Variants in TRMT9B observed in about 807,000 individuals in gnomAD.
TRMT9B encodes the protein tRNA methyltransferase 9B (putative).
Under a neutral mutation model 11.5 loss-of-function variants are expected in TRMT9B, and 16 were observed. The ratio of observed to expected loss-of-function variants is 1.39; its 90% CI spans 0.94 to 2.11. The LOEUF is 2.11. TRMT9B is among the 30% of genes most tolerant of loss of function. The probability of loss-of-function intolerance (pLI) is 0.00; values close to 1 mark genes in which losing one functional copy is unlikely to be tolerated. For synonymous variants in TRMT9B, 274 were observed against 192.4 expected (o/e 1.42, Z -3.51); for missense variants, 941 against 553.8 (o/e 1.70, Z -7.02).
chr8:13,011,278 G>A lies in TRMT9B; in HGVS notation c.155-1406G>A, dbSNP rs759156410. The A allele has an allele frequency of 7.1e-6, 7 of 984,806 alleles. No homozygotes were observed. In the African/African-American group the frequency reaches 8.7e-5, roughly 12 times the overall value. The allele number at this position is 984,806 out of a possible 1,614,324, so 61.0% of individuals were successfully genotyped here. A position where few individuals can be genotyped will look rare whatever the true frequency, so the allele number is the denominator to read the frequency against. ...TAGGATTATAGGCATGAGCCACCGC[G>A]CCAGACCCCAAATTTTATTTTTTAT... is the stretch of plus-strand genomic sequence containing the variant. On this transcript the variant is annotated intron_variant, in intron 3 of 4. Transcript: ENST00000524591.
At chr8:12,959,409 T>C (rs959911783) in intron 1 of TRMT9B, among the ~76,000 whole-genome samples, 2 of 151,936 alleles carry the variant, frequency 1.3e-5, no homozygotes, top group Non-Finnish European at 2.9e-5. Flanking sequence ...ATCATAAATG[T>C]ATGTTGTCTT....
intron 1 of TRMT9B, among the ~76,000 whole-genome samples, chr8:12,973,883 T>C (rs1337793203): frequency 2.6e-5 from 4 of 152,114 alleles, no homozygotes; most frequent in African/African-American, 4.8e-5. Flanking sequence ...ATTTTGGCCA[T>C]ATGCGGTGGC....
chr8:12,957,117 C>G (rs1167368300), intron 1 of TRMT9B, among the ~76,000 whole-genome samples: 1 of 152,166 alleles, frequency 6.6e-6, no homozygotes, highest in Non-Finnish European at 1.5e-5. Flanking sequence ...GTGGTGTATT[C>G]TCTCATGGTG....
chr8:13,020,731 T>C (rs973513755), intron 4 of TRMT9B, among the ~76,000 whole-genome samples: 1 of 152,214 alleles, frequency 6.6e-6, no homozygotes, highest in Non-Finnish European at 1.5e-5. Flanking sequence ...GACTCTAGAC[T>C]TCTTCTTATA....
intron 1 of TRMT9B, among the ~76,000 whole-genome samples, chr8:12,985,438 T>C (rs1386347141): frequency 6.6e-6 from 1 of 152,074 alleles, no homozygotes; most frequent in East Asian, 1.9e-4. Flanking sequence ...TCAAAGGGAG[T>C]TGGAACCAGA....
chr8:12,984,328 C>A (rs767790836), intron 1 of TRMT9B, among the ~76,000 whole-genome samples: 8 of 152,182 alleles, frequency 5.3e-5, no homozygotes, highest in Non-Finnish European at 8.8e-5. Context: ...ACTGTAATAA[C>A]CCCATGAGTG....
At chr8:12,988,058 C>A (rs1806642472) in intron 1 of TRMT9B, among the ~76,000 whole-genome samples, 1 of 152,232 alleles carries the variant, frequency 6.6e-6, no homozygotes, top group Admixed American at 6.5e-5. Context: ...GCGTGTGTTG[C>A]TGTTATTGCT....
rs1814742815 is a variant in TRMT9B, at chr8:13,026,815, A to G, written c.*4771A>G. ...ATACTCCCACCCCTGGGCCCAGCTC[A>G]TGTGCTTGGCGGAGTATTAGAGCCT... is the stretch of plus-strand genomic sequence containing the variant. On this transcript the variant is annotated 3_prime_UTR_variant, in exon 5 of 5. Transcript: ENST00000524591. The G allele has an allele frequency of 6.0e-6, 1 of 167,064 alleles. No individual in the cohort carries two copies. The highest frequency in any genetic ancestry group is 2.4e-5 in the African/African-American group (1 of 41,450). The allele number at this position is 167,064 out of a possible 1,614,324, so 10.3% of individuals were successfully genotyped here.
At chr8:13,000,821 G>T (rs1809293888) in intron 2 of TRMT9B, among the ~76,000 whole-genome samples, 1 of 152,170 alleles carries the variant, frequency 6.6e-6, no homozygotes, top group Admixed American at 6.6e-5. Context: ...CCTTGGGAAA[G>T]GTGTGGTTGT....
At chr8:13,009,263 G>T (rs1040355363) in intron 3 of TRMT9B, among the ~76,000 whole-genome samples, 1 of 152,046 alleles carries the variant, frequency 6.6e-6, no homozygotes, top group African/African-American at 2.4e-5. Context: ...CGAAGCGGGT[G>T]GGGTAGGTGT....
chr8:12,989,893 A>G (rs972050860), intron 1 of TRMT9B, among the ~76,000 whole-genome samples: 2 of 152,216 alleles, frequency 1.3e-5, no homozygotes, highest in Non-Finnish European at 2.9e-5. Flanking sequence ...GTGCCTACAT[A>G]TGAGTGAGAT....
At chr8:12,965,379 T>G (rs1443178058) in intron 1 of TRMT9B, among the ~76,000 whole-genome samples, 1 of 152,076 alleles carries the variant, frequency 6.6e-6, no homozygotes, top group Admixed American at 6.6e-5. Context: ...GCAGGGAGAT[T>G]TGGCTAAAAA....
At chr8:13,002,294 A>G (rs528418449) in intron 2 of TRMT9B, among the ~76,000 whole-genome samples, 44 of 152,310 alleles carry the variant, frequency 2.9e-4, no homozygotes, top group South Asian at 2.3e-3. Context: ...ACAAAGAAAA[A>G]CTTGCTTGTT....
chr8:12,959,610 C>A (rs1423014288), intron 1 of TRMT9B, among the ~76,000 whole-genome samples: 3 of 144,474 alleles, frequency 2.1e-5, no homozygotes, highest in African/African-American at 7.8e-5. Context: ...ACCTCAACCT[C>A]CTGGGCTCAA....
intron 1 of TRMT9B, among the ~76,000 whole-genome samples, chr8:12,986,106 C>T (rs189144951): frequency 2.0e-5 from 3 of 152,132 alleles, no homozygotes; most frequent in African/African-American, 7.2e-5. Context: ...AGGTGATCTG[C>T]CTATCCCGGC....
intron 1 of TRMT9B, among the ~76,000 whole-genome samples, chr8:12,982,999 G>T (rs540227708): frequency 6.6e-6 from 1 of 152,168 alleles, no homozygotes; most frequent in African/African-American, 2.4e-5. Context: ...CACCAACCAC[G>T]GGTTCCCCAC....
Position 12,990,841 on chromosome 8 carries a change from G to A in TRMT9B, c.-192G>A, listed in dbSNP as rs1807211753. The A allele has an allele frequency of 3.9e-6, 5 of 1,289,052 alleles. No individual in the cohort carries two copies. Among genetic ancestry groups the A allele is most frequent in the Non-Finnish European group, 5.1e-6 (5 of 988,292 alleles). 79.9% of individuals were successfully genotyped at this position (1,289,052 alleles called of 1,614,324 possible). A position where few individuals can be genotyped will look rare whatever the true frequency, so the allele number is the denominator to read the frequency against. On this transcript the variant is annotated 5_prime_UTR_variant, in exon 2 of 5. Coordinates refer to ENST00000524591, the MANE Select transcript of TRMT9B (RefSeq NM_020844.3). The stretch of plus-strand genomic sequence containing the variant: ...TTGTTTTCTTCCTGATAGGGCCTGT[G>A]CTTCCTTCAGAGACTCACACAAGAG...
At chr8:12,952,321 G>T (rs983662139) in intron 1 of TRMT9B, 8 of 341,834 alleles carry the variant, frequency 2.3e-5, no homozygotes, top group Non-Finnish European at 4.9e-5. Flanking sequence ...GTCGTCTAGC[G>T]CGTGCCCCGG....
At chr8:12,959,766 C>T (rs1056822349) in intron 1 of TRMT9B, among the ~76,000 whole-genome samples, 4 of 151,958 alleles carry the variant, frequency 2.6e-5, no homozygotes, top group African/African-American at 4.8e-5. Flanking sequence ...TAGGCTCAAG[C>T]GATCCTCCCA....
Sources: allele counts gnomAD v4.1 joint callset (sites outside exome capture counted in the v4.1 genomes callset), GRCh38; gene constraint gnomAD v4.1.1; transcripts MANE v1.5; gene names NCBI Gene and HGNC (gene_info 2026-07-23, HGNC 2026-07-21).